PCBP2: variants seen among roughly 807,000 people sequenced by gnomAD.
PCBP2 encodes poly(rC)-binding protein 2.
In PCBP2, 4 loss-of-function variants were observed where a neutral mutation model predicts 50.1. The observed-to-expected ratio is 0.08, with a 90% CI of 0.04 to 0.18. The LOEUF (loss-of-function observed/expected upper bound fraction) is 0.18. Ranked by LOEUF, PCBP2 falls within the 10% of genes least tolerant of loss-of-function variation. The pLI is 1.00. For missense variants in PCBP2, 161 were observed against 474.3 expected (o/e 0.34, Z 6.14); for synonymous variants, 179 against 168.0 (o/e 1.07, Z -0.51).
chr12:53,462,186 T>A (rs566837155), intron 7 of PCBP2, among the ~76,000 whole-genome samples: 1 of 152,346 alleles, frequency 6.6e-6, no homozygotes, highest in East Asian at 1.9e-4. Context: ...AACAAAAATA[T>A]ACGTTTAACA....
chr12:53,457,582 G>A (rs1354467498), intron 5 of PCBP2, among the ~76,000 whole-genome samples: 1 of 151,338 alleles, frequency 6.6e-6, no homozygotes, highest in East Asian at 2.0e-4. Flanking sequence ...TTGGGCTCAA[G>A]CAATCCTCCT....
At chr12:53,468,722 C>A in intron 12 of PCBP2, 55 bp from the exon 13 acceptor site, 1 of 1,267,242 alleles carries the variant, frequency 7.9e-7, no homozygotes, top group South Asian at 1.2e-5. Context: ...ATGTGCAAGT[C>A]AGTGAGGTTT....
intron 14 of PCBP2, chr12:53,475,323 T>G (rs1037292413): frequency 7.7e-5 from 29 of 376,214 alleles, no homozygotes; most frequent in Non-Finnish European, 2.1e-5. Context: ...CGTTTCCTTT[T>G]TACTACTTTG....
At chr12:53,460,891 C>T in intron 6 of PCBP2, 124 bp from the exon 7 acceptor site, 3 of 1,084,148 alleles carry the variant, frequency 2.8e-6, no homozygotes, top group Non-Finnish European at 4.0e-6. Context: ...GGACAAAGAA[C>T]AAAAAGGGAA....
chr12:53,468,479 C>T (rs1484015359), intron 12 of PCBP2: 2 of 399,138 alleles, frequency 5.0e-6, no homozygotes, highest in Non-Finnish European at 9.1e-6. Flanking sequence ...GACATTGGTC[C>T]TTTTTGAGGA....
intron 8 of PCBP2, among the ~76,000 whole-genome samples, chr12:53,463,315 G>T (rs192689097): frequency 1.3e-5 from 2 of 152,294 alleles, no homozygotes; most frequent in South Asian, 4.1e-4. Flanking sequence ...GAAGGACCAT[G>T]GTAGTCCTAT....
chr12:53,455,984 A>G lies in PCBP2; in HGVS notation c.226A>G (p.Ile76Val), dbSNP rs201679402. ...NAIFKAFAMI[I>V]DKLEEDISSS... ...CATCTTCAAAGCCTTTGCTATGATCATTGACAAACTGGAAGAGGTTTGTTG... is the reference window on the plus strand; with the variant it reads ...CATCTTCAAAGCCTTTGCTATGATCGTTGACAAACTGGAAGAGGTTTGTTG... Residue 76 changes from isoleucine (I) to valine (V), a missense_variant, in exon 5 of 15, where the codon ATT (isoleucine) becomes GTT (valine). Around this residue, in one of 7 missense-constraint regions of PCBP2, gnomAD observed 24 missense variants for 37.1 expected, o/e 0.65. Transcript: ENST00000546463. 5 of 1,606,796 alleles carry G rather than the reference A, an allele frequency of 3.1e-6. No homozygotes were observed. The highest frequency in any genetic ancestry group is 4.3e-6 in the Non-Finnish European group (5 of 1,173,460).
intron 14 of PCBP2, chr12:53,475,266 T>A (rs776174674): frequency 1.9e-5 from 8 of 418,074 alleles, no homozygotes; most frequent in Non-Finnish European, 2.9e-5. Flanking sequence ...TCATTTTGTT[T>A]TCCTTTGTTA....
intron 13 of PCBP2, among the ~76,000 whole-genome samples, chr12:53,470,597 A>G (rs1205783521): frequency 4.6e-5 from 7 of 150,976 alleles, no homozygotes; most frequent in African/African-American, 1.7e-4. Context: ...TTTTGTAAAG[A>G]CAAGAGTTTC....
intron 8 of PCBP2, chr12:53,464,426 A>T (rs553581067): frequency 3.8e-6 from 1 of 260,550 alleles, no homozygotes; most frequent in South Asian, 3.8e-5. Context: ...TAAATATACA[A>T]TGTCCACAGA....
Position 53,460,100 on chromosome 12 carries a change from G to C in PCBP2, c.375+697G>C, listed in dbSNP as rs747912397. On this transcript the variant is annotated intron_variant, in intron 6 of 14. Transcript: ENST00000546463. ...CTTGACCAGACTTATAAACAACAAG[G>C]AGAAAAATAGGAAGATGTATTGGGA... is the stretch of plus-strand genomic sequence containing the variant. 6.6e-5 allele frequency: 15 copies of C among 227,116 alleles called. No homozygotes were observed. In the South Asian group the frequency reaches 6.6e-4, roughly 10 times the overall value. 14.1% of individuals were successfully genotyped at this position (227,116 alleles called of 1,614,324 possible).
At chr12:53,469,783 A>G (rs1196123618) in intron 13 of PCBP2, among the ~76,000 whole-genome samples, 2 of 118,092 alleles carry the variant, frequency 1.7e-5, no homozygotes, top group African/African-American at 6.5e-5. Context: ...TTTTTTTGAG[A>G]CGGCATCTTG....
At chr12:53,453,837 T>C (rs924333210) in intron 1 of PCBP2, among the ~76,000 whole-genome samples, 1 of 152,240 alleles carries the variant, frequency 6.6e-6, no homozygotes, top group Non-Finnish European at 1.5e-5. Context: ...GGAACAATGT[T>C]AGGAATTGTT....
At chr12:53,454,457 C>A in intron 1 of PCBP2, 1 of 244,058 alleles carries the variant, frequency 4.1e-6, no homozygotes. Context: ...TCCTTAGAAC[C>A]ATTGCCAATT....
chr12:53,465,122 T>C (rs531077646), intron 9 of PCBP2: 1 of 327,552 alleles, frequency 3.1e-6, no homozygotes, highest in South Asian at 9.4e-5. Flanking sequence ...TCACCTTCCT[T>C]CCACCCCCAC....
In PCBP2 at chr12:53,459,432, A is replaced by C. The variant is rs778974092; in HGVS notation, c.375+29A>C. 10 of 1,591,626 alleles carry C rather than the reference A, an allele frequency of 6.3e-6. No homozygotes were observed. The East Asian group carries it at 1.8e-4, about 29-fold the overall frequency. On this transcript the variant is annotated intron_variant, in intron 6 of 14. Coordinates refer to ENST00000546463, the MANE Select transcript of PCBP2 (RefSeq NM_031989.5). ...AGTGACTTTTGTCGTCCTTTTAGAAATGTTAACTATTTGTTCCAAATTGGC... is the reference window on the plus strand; with the variant it reads ...AGTGACTTTTGTCGTCCTTTTAGAACTGTTAACTATTTGTTCCAAATTGGC...
At chr12:53,461,870 G>A (rs573895699) in intron 7 of PCBP2, among the ~76,000 whole-genome samples, 6 of 152,138 alleles carry the variant, frequency 3.9e-5, no homozygotes, top group African/African-American at 1.4e-4. Flanking sequence ...ACCACACCTG[G>A]CTAATTTTTT....
intron 5 of PCBP2, among the ~76,000 whole-genome samples, chr12:53,456,437 A>G (rs1374386800): frequency 1.3e-5 from 2 of 150,698 alleles, no homozygotes; most frequent in South Asian, 2.1e-4. Flanking sequence ...CAGCCTGGGC[A>G]ACAGAGTGAG....
intron 11 of PCBP2, 75 bp downstream of exon 11, chr12:53,467,368 A>G (rs1210365376): frequency 3.2e-6 from 4 of 1,239,022 alleles, no homozygotes; most frequent in Non-Finnish European, 3.6e-6. Context: ...TCAGCTTGAC[A>G]TCTGTTTAAA....
Sources: allele counts gnomAD v4.1 joint callset (sites outside exome capture counted in the v4.1 genomes callset), GRCh38; gene constraint gnomAD v4.1.1; regional missense constraint gnomAD v4.1.1; transcripts MANE v1.5; gene names NCBI Gene and HGNC (gene_info 2026-07-23, HGNC 2026-07-21).